Variants in MCMDC2 observed in about 807,000 individuals in gnomAD.
The protein encoded by MCMDC2 is minichromosome maintenance domain containing 2, also known as minichromosome maintenance domain-containing protein 2.
Under a neutral mutation model 75.8 loss-of-function variants are expected in MCMDC2, and 54 were observed. That is an observed-to-expected ratio of 0.71 (90% CI 0.57 to 0.89). The LOEUF (loss-of-function observed/expected upper bound fraction) is 0.89. MCMDC2 is among the 40% of genes least tolerant of loss of function. The probability of loss-of-function intolerance (pLI) is 0.00; values close to 1 mark genes in which losing one functional copy is unlikely to be tolerated. For missense variants in MCMDC2, 656 were observed against 780.4 expected (o/e 0.84, Z 1.90); for synonymous variants, 249 against 274.6 (o/e 0.91, Z 0.92).
At chr8:66,874,655 T>C in intron 4 of MCMDC2, 69 bp downstream of exon 4, 1 of 1,326,284 alleles carries the variant, frequency 7.5e-7, no homozygotes, top group Admixed American at 2.5e-5. Context: ...AAAATATTTT[T>C]ATATTCATAG....
Position 66,883,873 on chromosome 8 carries a change from A to T in MCMDC2, c.952A>T (p.Thr318Ser), listed in dbSNP as rs780325828. The change falls in exon 9 of 15, where the codon ACT becomes TCT. Residue 318 changes from threonine (T) to serine (S), a missense_variant. By Grantham distance (58) the Thr-to-Ser change is moderately conservative. Transcript: ENST00000422365. ...IFASQITPPGTYNLLKLCLLM... is the reference protein window; with the variant it reads ...IFASQITPPGSYNLLKLCLLM... ...TGCATCACAAATTACCCCTCCTGGG[A>T]CTTACAATTTGCTCAAGCTCTGTTT... The T allele has an allele frequency of 6.2e-7, 1 of 1,614,008 alleles. No individual in the cohort carries two copies. Among genetic ancestry groups the T allele is most frequent in the South Asian group, 1.1e-5 (1 of 91,082 alleles).
chr8:66,881,780 C>CT (rs777495046), intron 8 of MCMDC2, among the ~76,000 whole-genome samples: 7 of 152,180 alleles, frequency 4.6e-5, no homozygotes, highest in Admixed American at 3.3e-4. Context: ...AAAATATCAC[C>CT]TTTATTACTG....
intron 14 of MCMDC2, among the ~76,000 whole-genome samples, chr8:66,915,254 C>T (rs931133504): frequency 6.6e-6 from 1 of 151,972 alleles, no homozygotes; most frequent in Admixed American, 6.6e-5. Context: ...GAGTTCAAGA[C>T]CAGCCTGGCC....
chr8:66,918,813 A>G (rs186027414), intron 14 of MCMDC2, among the ~76,000 whole-genome samples, 190 bp from the exon 15 acceptor site: 174 of 152,300 alleles, frequency 1.1e-3, no homozygotes, highest in African/African-American at 3.9e-3. Flanking sequence ...TCAGATTTCA[A>G]TAATGATTAT....
downstream of MCMDC2, chr8:66,922,180 A>G (rs930984973): frequency 1.5e-4 from 26 of 168,330 alleles, no homozygotes; most frequent in Admixed American, 1.6e-3. Flanking sequence ...TATAACCTCA[A>G]TATTCACAAG....
intron 14 of MCMDC2, among the ~76,000 whole-genome samples, chr8:66,914,752 G>C (rs370581589): frequency 6.6e-6 from 1 of 152,216 alleles, no homozygotes; most frequent in East Asian, 1.9e-4. Context: ...ACCAGTTGTT[G>C]TAGTCCAGTT....
chr8:66,924,633 C>CAAAAAA (rs201097719), downstream of MCMDC2, among the ~76,000 whole-genome samples: 1 of 81,140 alleles, frequency 1.2e-5, no homozygotes, highest in Admixed American at 1.4e-4. Flanking sequence ...GACTCTGGCT[C>CAAAAAA]AAAAAAAAAA....
In MCMDC2 at chr8:66,901,288, G is replaced by T. The variant is rs142450719; in HGVS notation, c.1709G>T (p.Arg570Leu). The T allele has an allele frequency of 6.2e-7, 1 of 1,614,000 alleles. No homozygotes were observed. Among genetic ancestry groups the T allele is most frequent in the South Asian group, 1.1e-5 (1 of 91,078 alleles). Reference protein sequence around the residue: ...RMTHGYYLASRRIRTGSVCGS... With the variant: ...RMTHGYYLASLRIRTGSVCGS... Reference sequence around the variant, plus strand: ...ACCCATGGCTATTATCTAGCAAGTCGCAGAATCAGAACAGGCTCTGTATGT... The same window carrying T: ...ACCCATGGCTATTATCTAGCAAGTCTCAGAATCAGAACAGGCTCTGTATGT... The change falls in exon 13 of 15, where the codon CGC becomes CTC. Residue 570 changes from arginine to leucine, a missense_variant. By Grantham distance (102) the Arg-to-Leu change is moderately radical. Coordinates refer to ENST00000422365, the MANE Select transcript of MCMDC2 (RefSeq NM_173518.5).
chr8:66,880,164 T>C (rs1234872533), intron 7 of MCMDC2, among the ~76,000 whole-genome samples: 1 of 152,234 alleles, frequency 6.6e-6, no homozygotes. Flanking sequence ...TCAGTTCTGC[T>C]TCTTACTAGT....
At chr8:66,875,232 T>G (rs1811222034) in intron 4 of MCMDC2, among the ~76,000 whole-genome samples, 1 of 152,224 alleles carries the variant, frequency 6.6e-6, no homozygotes, top group South Asian at 2.1e-4. Flanking sequence ...ATTCTATTAT[T>G]TTATCCCTAC....
At chr8:66,890,815 AC>A (rs1812067330) in intron 9 of MCMDC2, 49 bp from the exon 10 acceptor site, 1 of 1,456,740 alleles carries the variant, frequency 6.9e-7, no homozygotes, top group African/African-American at 1.4e-5. Context: ...ATACATTGTG[AC>A]TTTTGAAAAT....
intron 9 of MCMDC2, 103 bp from the exon 10 acceptor site, chr8:66,890,762 T>A: frequency 1.1e-6 from 1 of 917,262 alleles, no homozygotes; most frequent in East Asian, 2.6e-5. Context: ...CAATAGCTGG[T>A]GTATCACAGG....
intron 4 of MCMDC2, 97 bp downstream of exon 4, chr8:66,874,683 ATAC>A (rs918988333): frequency 2.7e-5 from 30 of 1,091,200 alleles, no homozygotes; most frequent in Non-Finnish European, 3.6e-5. Context: ...ATTTAAAAGG[ATAC>A]TACTTTTTTT....
At chr8:66,902,676 G>T (rs1456359608) in intron 13 of MCMDC2, among the ~76,000 whole-genome samples, 1 of 102,360 alleles carries the variant, frequency 9.8e-6, no homozygotes, top group Non-Finnish European at 1.8e-5. Flanking sequence ...CCTGGCGACA[G>T]AGCAAGATTC....
intron 14 of MCMDC2, among the ~76,000 whole-genome samples, chr8:66,906,233 T>C (rs1812899122): frequency 6.6e-6 from 1 of 152,182 alleles, no homozygotes; most frequent in African/African-American, 2.4e-5. Context: ...TAATTTTGAT[T>C]AGCGATACCA....
At chr8:66,903,121 A>C (rs1019699124) in intron 13 of MCMDC2, among the ~76,000 whole-genome samples, 37 of 106,234 alleles carry the variant, frequency 3.5e-4, no homozygotes, top group Admixed American at 6.6e-4. Flanking sequence ...AAACTGTCTC[A>C]AAAAAAAAAA....
At chr8:66,899,621 G>A (rs963399841) in intron 12 of MCMDC2, among the ~76,000 whole-genome samples, 9 of 151,658 alleles carry the variant, frequency 5.9e-5, no homozygotes, top group Non-Finnish European at 8.8e-5. Context: ...TCAGCCTCCC[G>A]AGCAGCTGGG....
At chr8:66,915,324 C>T (rs988673907) in intron 14 of MCMDC2, among the ~76,000 whole-genome samples, 2 of 151,612 alleles carry the variant, frequency 1.3e-5, no homozygotes, top group Non-Finnish European at 2.9e-5. Context: ...TAGTGGCGCG[C>T]GTCTGTAATC....
At chr8:66,904,633 C>A (rs888534993) in intron 13 of MCMDC2, among the ~76,000 whole-genome samples, 9 of 152,078 alleles carry the variant, frequency 5.9e-5, no homozygotes, top group Admixed American at 1.3e-4. Context: ...CATTCAGATA[C>A]ATCACTTTTG....
Sources: gnomAD v4.1 joint callset for allele counts (sites outside exome capture counted in the v4.1 genomes callset) on GRCh38, gnomAD v4.1.1 for gene constraint, MANE v1.5 for transcripts, NCBI Gene and HGNC (gene_info 2026-07-23, HGNC 2026-07-21) for gene names.